NFATC3: variants seen among roughly 807,000 people sequenced by gnomAD.
NFATC3 encodes the protein nuclear factor of activated T-cells, cytoplasmic 3.
A neutral mutation model predicts 98.6 loss-of-function variants in NFATC3; 46 were observed. That is an observed-to-expected ratio of 0.47 (90% CI 0.37 to 0.60). The LOEUF is 0.60. Among genes scored for constraint, NFATC3 ranks in the 20% least tolerant of loss-of-function variants. NFATC3 has a pLI of 0.00. For missense variants in NFATC3, 1,256 were observed against 1,295.5 expected (o/e 0.97, Z 0.47); for synonymous variants, 512 against 472.2 (o/e 1.08, Z -1.09).
chr16:68,089,254 C>A, intron 1 of NFATC3: 1 of 985,344 alleles, frequency 1.0e-6, no homozygotes, highest in South Asian at 4.7e-5. Context: ...AGTGAATGTC[C>A]TAAGCAAGCT....
intron 4 of NFATC3, among the ~76,000 whole-genome samples, chr16:68,158,343 G>A (rs988235688): frequency 6.6e-6 from 1 of 152,084 alleles, no homozygotes; most frequent in Non-Finnish European, 1.5e-5. Flanking sequence ...ATGGCTCACA[G>A]TCTATCTAAT....
chr16:68,225,554 G>A (rs2042012130), intron 9 of NFATC3: 1 of 152,050 alleles, frequency 6.6e-6, no homozygotes, highest in Non-Finnish European at 1.5e-5. Flanking sequence ...TTCATCACTT[G>A]GTAGACATTT....
chr16:68,181,672 T>A, intron 7 of NFATC3, 142 bp downstream of exon 7: 1 of 587,038 alleles, frequency 1.7e-6, no homozygotes, highest in Non-Finnish European at 3.0e-6. Flanking sequence ...GGCTCATGCC[T>A]GTAATCCCAG....
At chr16:68,182,919 C>T (rs111734538) in intron 7 of NFATC3, among the ~76,000 whole-genome samples, 1 of 152,182 alleles carries the variant, frequency 6.6e-6, no homozygotes, top group Non-Finnish European at 1.5e-5. Flanking sequence ...AATGAATTTA[C>T]TGTTAAGATA....
At chr16:68,151,998 G>A (rs2038349871) in intron 3 of NFATC3, among the ~76,000 whole-genome samples, 1 of 150,574 alleles carries the variant, frequency 6.6e-6, no homozygotes, top group African/African-American at 2.5e-5. Flanking sequence ...GAACCCGGGA[G>A]GCAGAGGTTC....
intron 2 of NFATC3, 27 bp downstream of exon 2, chr16:68,123,148 C>A (rs1196011105): frequency 2.5e-6 from 4 of 1,570,892 alleles, no homozygotes; most frequent in South Asian, 1.2e-5. Flanking sequence ...GGCTGCTGGT[C>A]ATTTTTCATG....
intron 4 of NFATC3, among the ~76,000 whole-genome samples, chr16:68,160,025 C>T (rs564830873): frequency 6.6e-6 from 1 of 151,906 alleles, no homozygotes; most frequent in South Asian, 2.1e-4. Context: ...CTGCAGTGGG[C>T]TGAGATCACT....
At chr16:68,197,853 C>G (rs1333603641) in intron 9 of NFATC3, among the ~76,000 whole-genome samples, 1 of 152,074 alleles carries the variant, frequency 6.6e-6, no homozygotes, top group African/African-American at 2.4e-5. Context: ...AATCAAAGAT[C>G]AAAACACATT....
intron 1 of NFATC3, among the ~76,000 whole-genome samples, chr16:68,117,294 A>G (rs1305508390): frequency 2.0e-5 from 3 of 152,232 alleles, no homozygotes; most frequent in African/African-American, 7.2e-5. Context: ...TTGCCAAGAA[A>G]CATGGTTCAA....
chr16:68,120,538 C>T (rs1329521219), intron 1 of NFATC3, among the ~76,000 whole-genome samples: 1 of 146,722 alleles, frequency 6.8e-6, no homozygotes, highest in East Asian at 2.0e-4. Context: ...AAGATCGCAC[C>T]ACTGCATTCA....
intron 5 of NFATC3, among the ~76,000 whole-genome samples, chr16:68,167,900 T>TTGGCTCAC (rs1244509739): frequency 7.0e-6 from 1 of 142,094 alleles, no homozygotes; most frequent in East Asian, 2.2e-4. Flanking sequence ...TGTTGTGATC[T>TTGGCTCAC]TGGCTCACTG....
chr16:68,093,270 G>T (rs1197603370), intron 1 of NFATC3, among the ~76,000 whole-genome samples: 2 of 152,148 alleles, frequency 1.3e-5, no homozygotes, highest in Non-Finnish European at 2.9e-5. Flanking sequence ...AGGAGGTCTG[G>T]ATTCTAGATT....
At chr16:68,129,551 A>G (rs1030948458) in intron 3 of NFATC3, among the ~76,000 whole-genome samples, 2 of 151,302 alleles carry the variant, frequency 1.3e-5, no homozygotes, top group Admixed American at 6.6e-5. Flanking sequence ...TTTGTTGTTT[A>G]CTTAAGTGAC....
At chr16:68,100,363 A>G (rs962907326) in intron 1 of NFATC3, among the ~76,000 whole-genome samples, 3 of 152,178 alleles carry the variant, frequency 2.0e-5, no homozygotes, top group South Asian at 2.1e-4. Flanking sequence ...ACTTGAGGCC[A>G]GGGGTTCAAG....
At chr16:68,153,810 T>C (rs2038467789) in intron 3 of NFATC3, among the ~76,000 whole-genome samples, 1 of 152,028 alleles carries the variant, frequency 6.6e-6, no homozygotes, top group Admixed American at 6.6e-5. Context: ...AGATGGAGTT[T>C]CACCGTGTTA....
At chr16:68,209,626 C>T in intron 9 of NFATC3, 1 of 393,196 alleles carries the variant, frequency 2.5e-6, no homozygotes, top group South Asian at 2.0e-5. Flanking sequence ...CTGTGATGAG[C>T]CTATGTCAAG....
At chr16:68,102,905 G>A (rs1009571429) in intron 1 of NFATC3, among the ~76,000 whole-genome samples, 1 of 151,994 alleles carries the variant, frequency 6.6e-6, no homozygotes, top group African/African-American at 2.4e-5. Flanking sequence ...GCCATCCTGG[G>A]AGTGTGAAAT....
At chr16:68,199,336 G>C (rs1440788167) in intron 9 of NFATC3, among the ~76,000 whole-genome samples, 14 of 148,660 alleles carry the variant, frequency 9.4e-5, no homozygotes, top group Non-Finnish European at 1.5e-4. Context: ...CCATTCTCCT[G>C]CCTCAGCCTC....
intron 9 of NFATC3, chr16:68,221,423 G>C: frequency 7.0e-7 from 1 of 1,422,618 alleles, no homozygotes; most frequent in Non-Finnish European, 9.2e-7. Flanking sequence ...TGACTCCCTA[G>C]CCTAAAATTT....
Sources: allele counts gnomAD v4.1 joint callset (sites outside exome capture counted in the v4.1 genomes callset), GRCh38; gene constraint gnomAD v4.1.1; transcripts MANE v1.5; gene names NCBI Gene and HGNC (gene_info 2026-07-23, HGNC 2026-07-21).